The following PDE8B variants were observed in gnomAD, a reference collection of about 807,000 sequenced individuals.
The protein encoded by PDE8B is phosphodiesterase 8B.
Under a neutral mutation model 101.3 loss-of-function variants are expected in PDE8B, and 26 were observed. That is an observed-to-expected ratio of 0.26 (90% CI 0.19 to 0.36). PDE8B has a LOEUF of 0.36. Ranked by LOEUF, PDE8B falls within the 10% of genes least tolerant of loss-of-function variation. The pLI is 1.00. For synonymous variants in PDE8B, 424 were observed against 429.3 expected, an observed-to-expected ratio of 0.99 and a Z score of 0.15; for missense variants, 810 against 1,163.1, an observed-to-expected ratio of 0.70 and a Z score of 4.42.
chr5:77,162,021 T>C, the PDE8B span, among the ~76,000 whole-genome samples: 2 of 151,920 alleles, frequency 1.3e-5, no homozygotes, highest in Non-Finnish European at 1.5e-5. Context: ...ATCATGTATG[T>C]AGTACATTTC....
rs112835174 is a variant in PDE8B, at chr5:77,274,467, G to C, written c.340-37527G>C. Reference sequence around the variant, plus strand: ...GACATATTCATTCATTCCACAAGTAGTTATTGAGCATCTGACATGTCCCAG... The same window carrying C: ...GACATATTCATTCATTCCACAAGTACTTATTGAGCATCTGACATGTCCCAG... On this transcript the variant is annotated intron_variant, in intron 1 of 21. Coordinates refer to ENST00000264917, the MANE Select transcript of PDE8B (RefSeq NM_003719.5). Among the ~76,000 whole-genome samples, 453 of 152,260 alleles carry C rather than the reference G, an allele frequency of 3.0e-3. 2 individuals are homozygous for C. Among genetic ancestry groups the C allele is most frequent in the African/African-American group, 0.01 (431 of 41,538 alleles).
chr5:77,115,463 T>C, the PDE8B span: 1 of 152,254 alleles, frequency 6.6e-6, no homozygotes, highest in Non-Finnish European at 1.5e-5. Flanking sequence ...AGGGGACATA[T>C]GGTCCAGGCC....
the PDE8B span, among the ~76,000 whole-genome samples, chr5:77,168,328 G>A: frequency 9.2e-5 from 14 of 152,304 alleles, no homozygotes; most frequent in South Asian, 2.7e-3. Flanking sequence ...TTCCTGGCAC[G>A]GGGGCTGGAG....
At chr5:77,290,502 G>T in intron 1 of PDE8B, 1 of 1,467,648 alleles carries the variant, frequency 6.8e-7, no homozygotes, top group Non-Finnish European at 9.5e-7. Flanking sequence ...AGATATTCCT[G>T]CTCCAAAACG....
chr5:77,133,276 A>G, the PDE8B span, among the ~76,000 whole-genome samples: 1 of 152,206 alleles, frequency 6.6e-6, no homozygotes, highest in African/African-American at 2.4e-5. Flanking sequence ...GATGAGTAAC[A>G]CATGGAGCAA....
intron 3 of PDE8B, among the ~76,000 whole-genome samples, chr5:77,328,512 A>G (rs1439318609): frequency 6.6e-6 from 1 of 151,060 alleles, no homozygotes; most frequent in African/African-American, 2.5e-5. Context: ...ACCACCTTTA[A>G]TTGGCTTTAA....
chr5:77,283,248 C>T (rs67963672), intron 1 of PDE8B, among the ~76,000 whole-genome samples: 5 of 152,200 alleles, frequency 3.3e-5, no homozygotes, highest in Non-Finnish European at 5.9e-5. Context: ...CACCACCCCC[C>T]ACTCCCTGGA....
chr5:77,104,018 C>G, the PDE8B span, among the ~76,000 whole-genome samples: 1 of 152,222 alleles, frequency 6.6e-6, no homozygotes, highest in Non-Finnish European at 1.5e-5. Flanking sequence ...GTTCCTTGCA[C>G]CCTTCTTCCC....
At chr5:77,259,511 C>T (rs1760035363) in intron 1 of PDE8B, among the ~76,000 whole-genome samples, 1 of 152,300 alleles carries the variant, frequency 6.6e-6, no homozygotes, top group African/African-American at 2.4e-5. Context: ...AGCAAGAGTT[C>T]TGCCTGGGAG....
the PDE8B span, among the ~76,000 whole-genome samples, chr5:77,161,553 T>C: frequency 6.6e-6 from 1 of 152,186 alleles, no homozygotes; most frequent in Admixed American, 6.5e-5. Flanking sequence ...AAGGCTGATA[T>C]GGACTTCTGA....
the PDE8B span, among the ~76,000 whole-genome samples, chr5:77,127,636 C>A: frequency 6.6e-6 from 1 of 152,024 alleles, no homozygotes; most frequent in Admixed American, 6.6e-5. Flanking sequence ...CTCCAGTTAT[C>A]ATGGAGTCAG....
At chr5:77,169,710 A>G in the PDE8B span, among the ~76,000 whole-genome samples, 1 of 152,188 alleles carries the variant, frequency 6.6e-6, no homozygotes, top group South Asian at 2.1e-4. Flanking sequence ...CCTCATCCCC[A>G]TCCTGAAACT....
At chr5:77,276,704 A>G (rs927058756) in intron 1 of PDE8B, among the ~76,000 whole-genome samples, 1 of 152,226 alleles carries the variant, frequency 6.6e-6, no homozygotes, top group Non-Finnish European at 1.5e-5. Context: ...AGCCCTTCAG[A>G]TACCAACATT....
the PDE8B span, among the ~76,000 whole-genome samples, chr5:77,100,821 T>C: frequency 4.6e-5 from 7 of 152,084 alleles, no homozygotes; most frequent in Non-Finnish European, 8.8e-5. Context: ...TGTTCAGACA[T>C]CCACACAAGT....
chr5:77,212,683 T>C (rs991896087), intron 1 of PDE8B, among the ~76,000 whole-genome samples: 18 of 152,202 alleles, frequency 1.2e-4, no homozygotes, highest in Admixed American at 1.2e-3. Flanking sequence ...AGTACAAACC[T>C]ACCAGTTGCC....
At chr5:77,356,318 T>C (rs779574443) in intron 10 of PDE8B, among the ~76,000 whole-genome samples, 1 of 152,212 alleles carries the variant, frequency 6.6e-6, no homozygotes, top group African/African-American at 2.4e-5. Context: ...TGCAAATTCA[T>C]GGCTCAGACT....
At chr5:77,398,318 C>CTTTTT (rs70988672) in intron 10 of PDE8B, among the ~76,000 whole-genome samples, 2 of 116,010 alleles carry the variant, frequency 1.7e-5, no homozygotes, top group Non-Finnish European at 1.7e-5. Flanking sequence ...AGCTGTTTTA[C>CTTTTT]TTTTTTTTTT....
Position 77,210,978 on chromosome 5 carries a change from G to A in PDE8B, c.53G>A (p.Arg18Gln). 1 of 1,538,654 alleles carries A rather than the reference G, an allele frequency of 6.5e-7. No homozygotes were observed. Among genetic ancestry groups the A allele is most frequent in the South Asian group, 1.2e-5 (1 of 84,746 alleles). Reference sequence around the variant, plus strand: ...TCGCAGAGCGGCGTGATCTACTGCCGGGACTCGGACGAGTCCAGCTCGCCC... The same window carrying A: ...TCGCAGAGCGGCGTGATCTACTGCCAGGACTCGGACGAGTCCAGCTCGCCC... ...HVSQSGVIYC[R>Q]DSDESSSPRQ... is the part of the protein sequence containing the mutation. Residue 18 changes from arginine to glutamine, a missense_variant, in exon 1 of 22, where the codon CGG becomes CAG. Arg to Gln is a conservative substitution (Grantham distance 43). Coordinates refer to ENST00000264917, the MANE Select transcript of PDE8B (RefSeq NM_003719.5). The surrounding 1 kb of genome is among the most constrained non-coding windows in gnomAD (Gnocchi z 4.9).
chr5:77,180,811 C>A, the PDE8B span, among the ~76,000 whole-genome samples: 2 of 152,204 alleles, frequency 1.3e-5, no homozygotes, highest in East Asian at 3.9e-4. Context: ...TCCGTCGGGC[C>A]GGCTCCTCGG....
Sources: gnomAD v4.1 joint callset for allele counts (sites outside exome capture counted in the v4.1 genomes callset) on GRCh38, gnomAD v4.1.1 for gene constraint, Gnocchi (gnomAD v3.1) non-coding constraint, MANE v1.5 for transcripts, NCBI Gene and HGNC (gene_info 2026-07-23, HGNC 2026-07-21) for gene names.